Variants in SHMT1 observed in about 807,000 individuals in gnomAD.
SHMT1 encodes the protein serine hydroxymethyltransferase, cytosolic.
A neutral mutation model predicts 49.0 loss-of-function variants in SHMT1; 45 were observed. The ratio of observed to expected loss-of-function variants is 0.92; its 90% CI spans 0.72 to 1.18. SHMT1 has a LOEUF of 1.18. SHMT1 is among the 50% of genes most tolerant of loss of function. The pLI is 0.00. For missense variants in SHMT1, 541 were observed against 612.4 expected (o/e 0.88, Z 1.23); for synonymous variants, 232 against 246.6 (o/e 0.94, Z 0.55).
intron 1 of SHMT1, among the ~76,000 whole-genome samples, chr17:18,358,503 T>A (rs1213105690): frequency 6.6e-6 from 1 of 151,884 alleles, no homozygotes; most frequent in Non-Finnish European, 1.5e-5. Flanking sequence ...AAGTAAAATA[T>A]CTTAGCCCAG....
chr17:18,359,667 G>T (rs1986569594), intron 1 of SHMT1, among the ~76,000 whole-genome samples: 2 of 150,432 alleles, frequency 1.3e-5, no homozygotes. Context: ...AAAAAAAAAG[G>T]CCAGGTGCAG....
chr17:18,352,611 A>C (rs1985837133), intron 3 of SHMT1, among the ~76,000 whole-genome samples: 1 of 152,064 alleles, frequency 6.6e-6, no homozygotes, highest in Non-Finnish European at 1.5e-5. Flanking sequence ...GCTTGAGCTC[A>C]GGAGATGGAG....
At position 18,348,483 on chromosome 17, in the gene SHMT1, A is replaced by G. The variant is rs201409240; in HGVS notation, c.243-43T>C. On this transcript the variant is annotated intron_variant, in intron 3 of 11. Coordinates refer to ENST00000316694, the MANE Select transcript of SHMT1 (RefSeq NM_004169.5). ...GAGACTTAGATCCACTCAGACCCAGAAAGTCTGTGCTTCACAGAGGCCAAA... is the reference window on the plus strand; with the variant it reads ...GAGACTTAGATCCACTCAGACCCAGGAAGTCTGTGCTTCACAGAGGCCAAA... The G allele has an allele frequency of 3.4e-4, 488 of 1,430,554 alleles. 1 individual carries two copies. Among genetic ancestry groups the G allele is most frequent in the Non-Finnish European group, 6.8e-5 (69 of 1,012,758 alleles). 88.6% of individuals were successfully genotyped at this position (1,430,554 alleles called of 1,614,324 possible).
intron 5 of SHMT1, among the ~76,000 whole-genome samples, chr17:18,341,831 G>A (rs1984558049): frequency 6.6e-6 from 1 of 152,090 alleles, no homozygotes; most frequent in Non-Finnish European, 1.5e-5. Context: ...ACGCATTCAT[G>A]GAAGGGCAGA....
At position 18,359,162 on chromosome 17, in the gene SHMT1, C is replaced by A. The variant is rs191427068; in HGVS notation, c.-19-3162G>T. On this transcript the variant is annotated intron_variant, in intron 1 of 11. Coordinates refer to ENST00000316694, the MANE Select transcript of SHMT1 (RefSeq NM_004169.5). The stretch of plus-strand genomic sequence containing the variant: ...CTGAGGCAGGAGAATCGCTTGAACC[C>A]GGGAGGCGGAAGTTGTAGTGAGCCG... Among the ~76,000 whole-genome samples the A allele has an allele frequency of 2.8e-4, 42 of 150,738 alleles. 1 individual carries two copies. In the East Asian group the frequency reaches 8.4e-3, roughly 30 times the overall value.
chr17:18,329,659 G>A (rs1313735239), intron 10 of SHMT1, among the ~76,000 whole-genome samples: 1 of 152,186 alleles, frequency 6.6e-6, no homozygotes, highest in Non-Finnish European at 1.5e-5. Context: ...CTGGGTCTGA[G>A]ATGCGTCATC....
chr17:18,339,958 T>A (rs951241683), intron 7 of SHMT1, 85 bp downstream of exon 7: 1 of 1,365,580 alleles, frequency 7.3e-7, no homozygotes, highest in East Asian at 2.4e-5. Flanking sequence ...TCAGAGTTTT[T>A]CCCAGCTCCC....
At chr17:18,334,278 G>A (rs543511271) in intron 8 of SHMT1, among the ~76,000 whole-genome samples, 1 of 151,760 alleles carries the variant, frequency 6.6e-6, no homozygotes, top group Non-Finnish European at 1.5e-5. Context: ...GGTAAGAGAC[G>A]GGCTTTCTTC....
chr17:18,333,129 C>G, intron 9 of SHMT1, 37 bp downstream of exon 9: 1 of 1,613,020 alleles, frequency 6.2e-7, no homozygotes, highest in South Asian at 1.1e-5. Context: ...AATACAACCA[C>G]AAGAACAGGC....
intron 8 of SHMT1, 147 bp from the exon 9 acceptor site, chr17:18,333,435 T>C (rs1243494280): frequency 2.1e-6 from 1 of 475,488 alleles, no homozygotes; most frequent in East Asian, 4.2e-5. Flanking sequence ...TCCTCCAAAA[T>C]GATATATTTT....
At chr17:18,343,259 A>T (rs996892252) in intron 5 of SHMT1, among the ~76,000 whole-genome samples, 1 of 149,046 alleles carries the variant, frequency 6.7e-6, no homozygotes, top group African/African-American at 2.5e-5. Context: ...ATTTAAAATA[A>T]TTTTTCTTTT....
chr17:18,344,389 G>A lies in SHMT1; in HGVS notation c.519+3107C>T, dbSNP rs531309310. On this transcript the variant is annotated intron_variant, in intron 5 of 11. Transcript: ENST00000316694. Reference sequence around the variant, plus strand: ...CCAGTAAAAATGGACGTAATTCACCGGGCATGGTGGCTCACGCCTGTAATC... The same window carrying A: ...CCAGTAAAAATGGACGTAATTCACCAGGCATGGTGGCTCACGCCTGTAATC... Among the ~76,000 whole-genome samples the A allele has an allele frequency of 4.6e-5, 7 of 151,806 alleles. No individual in the cohort carries two copies. The East Asian group carries it at 1.2e-3, about 25-fold the overall frequency.
intron 1 of SHMT1, among the ~76,000 whole-genome samples, chr17:18,357,117 T>C (rs1308664960): frequency 1.3e-5 from 2 of 151,504 alleles, no homozygotes; most frequent in Non-Finnish European, 2.9e-5. Flanking sequence ...CCATCTCTAC[T>C]AAAAATACAA....
intron 1 of SHMT1, among the ~76,000 whole-genome samples, chr17:18,358,858 G>A (rs1171554594): frequency 1.3e-5 from 2 of 152,198 alleles, no homozygotes; most frequent in Non-Finnish European, 1.5e-5. Context: ...AGCCGTGATT[G>A]TGGCAGTGCA....
intron 2 of SHMT1, among the ~76,000 whole-genome samples, chr17:18,354,048 C>T (rs1332477188): frequency 1.3e-5 from 2 of 152,088 alleles, no homozygotes; most frequent in East Asian, 3.9e-4. Flanking sequence ...TTTGGGAGGC[C>T]GAGGCTGGTG....
intron 1 of SHMT1, chr17:18,360,593 A>G (rs1986667749): frequency 6.6e-6 from 1 of 151,776 alleles, no homozygotes. Flanking sequence ...AGAAAGAAAG[A>G]TGCAATAAAT....
chr17:18,329,488 G>C, intron 10 of SHMT1, 100 bp from the exon 11 acceptor site: 1 of 912,704 alleles, frequency 1.1e-6, no homozygotes, highest in East Asian at 2.5e-5. Context: ...ACTGGCCTGA[G>C]GATACTGGCT....
intron 10 of SHMT1, among the ~76,000 whole-genome samples, chr17:18,330,229 G>A (rs1025084454): frequency 1.3e-4 from 19 of 151,938 alleles, no homozygotes; most frequent in Non-Finnish European, 2.5e-4. Context: ...TCTGCCTCCC[G>A]GGTTCAAGCG....
chr17:18,361,740 C>G (rs942154014), intron 1 of SHMT1, among the ~76,000 whole-genome samples: 15 of 151,428 alleles, frequency 9.9e-5, no homozygotes, highest in Non-Finnish European at 1.8e-4. Flanking sequence ...GAGCCGAGAT[C>G]GCGCCACTGC....
Sources: allele counts gnomAD v4.1 joint callset (sites outside exome capture counted in the v4.1 genomes callset), GRCh38; gene constraint gnomAD v4.1.1; transcripts MANE v1.5; gene names NCBI Gene and HGNC (gene_info 2026-07-23, HGNC 2026-07-21).